Variants in SETBP1 observed in about 807,000 individuals in gnomAD.
SETBP1 encodes SET binding protein 1.
SETBP1 carries 9 observed loss-of-function variants against 101.0 expected under a neutral mutation model. The ratio of observed to expected loss-of-function variants is 0.09; its 90% confidence interval spans 0.05 to 0.16. The LOEUF is 0.16. Ranked by LOEUF, SETBP1 falls within the 10% of genes least tolerant of loss-of-function variation. The pLI, the probability that SETBP1 is intolerant of heterozygous loss-of-function variation, is 1.00. For synonymous variants in SETBP1, 818 were observed against 788.5 expected (o/e 1.04, Z -0.63); for missense variants, 1,858 against 2,033.8 (o/e 0.91, Z 1.66).
chr18:45,021,908 A>G lies in SETBP1; in HGVS notation c.4001-16577A>G, dbSNP rs538888410. Among the ~76,000 whole-genome samples the G allele has an allele frequency of 3.3e-4, 50 of 152,356 alleles. 3 individuals are homozygous for G. The South Asian group carries it at 9.3e-3, about 28-fold the overall frequency. On this transcript the variant is annotated intron_variant, in intron 4 of 5. Coordinates refer to ENST00000649279, the MANE Select transcript of SETBP1 (RefSeq NM_015559.3). ...GTGCCTAGAAAGAAACTTCTAATGT[A>G]GAATTTGTCCAATAAATGTTGAGGA...
At chr18:44,764,647 G>C (rs2070729265) in intron 2 of SETBP1, among the ~76,000 whole-genome samples, 2 of 152,016 alleles carry the variant, frequency 1.3e-5, no homozygotes, top group African/African-American at 4.8e-5. Flanking sequence ...CTAATTTTTT[G>C]TATTTTTAGT....
intron 2 of SETBP1, among the ~76,000 whole-genome samples, chr18:44,782,132 A>T (rs1178494639): frequency 2.0e-5 from 3 of 152,218 alleles, no homozygotes; most frequent in Non-Finnish European, 4.4e-5. Flanking sequence ...CTTAAGAGGC[A>T]CACTGCTTCC....
intron 2 of SETBP1, among the ~76,000 whole-genome samples, chr18:44,864,961 G>C (rs955801378): frequency 6.6e-6 from 1 of 151,992 alleles, no homozygotes; most frequent in Admixed American, 6.6e-5. Flanking sequence ...TAGGATGTGC[G>C]CTTTTCAAGG....
At chr18:45,030,524 T>A (rs139678281) in intron 4 of SETBP1, among the ~76,000 whole-genome samples, 133,034 of 137,916 alleles carry the variant, frequency 0.96, 64,504 homozygotes, top group East Asian at 1. Flanking sequence ...TGCTGGCCTC[T>A]TAAAATGAGT....
intron 4 of SETBP1, among the ~76,000 whole-genome samples, chr18:44,958,247 T>A (rs1379860902): frequency 6.6e-6 from 1 of 152,218 alleles, no homozygotes; most frequent in East Asian, 1.9e-4. Flanking sequence ...GACCAAATAG[T>A]TAGTTGTTCA....
At chr18:44,900,937 C>G (rs1461672058) in intron 3 of SETBP1, among the ~76,000 whole-genome samples, 4 of 152,186 alleles carry the variant, frequency 2.6e-5, no homozygotes, top group Non-Finnish European at 5.9e-5. Context: ...AGCCCAGGGA[C>G]TTTTATACTC....
chr18:44,825,213 TA>T (rs1200348779), intron 2 of SETBP1, among the ~76,000 whole-genome samples: 1 of 152,172 alleles, frequency 6.6e-6, no homozygotes, highest in African/African-American at 2.4e-5. Context: ...ACAAGTGTAA[TA>T]AAAATTCAGC....
intron 2 of SETBP1, among the ~76,000 whole-genome samples, chr18:44,770,778 A>G (rs1311378285): frequency 1.3e-5 from 2 of 151,466 alleles, no homozygotes; most frequent in South Asian, 2.1e-4. Flanking sequence ...ACTAGAATGT[A>G]GAGTCAAATA....
intron 2 of SETBP1, among the ~76,000 whole-genome samples, chr18:44,741,068 A>C (rs2070086650): frequency 6.6e-6 from 1 of 152,258 alleles, no homozygotes; most frequent in African/African-American, 2.4e-5. Flanking sequence ...GCAAATGAAC[A>C]AACAAAAAAC....
chr18:44,780,856 G>A (rs909218791), intron 2 of SETBP1, among the ~76,000 whole-genome samples: 7 of 152,226 alleles, frequency 4.6e-5, no homozygotes, highest in Admixed American at 2.0e-4. Flanking sequence ...CCCTAAAGAT[G>A]TGGTGTCCAA....
At chr18:44,990,691 A>G (rs2072349789) in intron 4 of SETBP1, among the ~76,000 whole-genome samples, 1 of 152,060 alleles carries the variant, frequency 6.6e-6, no homozygotes, top group Non-Finnish European at 1.5e-5. Context: ...GCTCTACAAA[A>G]CAAAACACTA....
At chr18:44,800,621 G>A (rs2071586169) in intron 2 of SETBP1, among the ~76,000 whole-genome samples, 1 of 152,194 alleles carries the variant, frequency 6.6e-6, no homozygotes, top group Admixed American at 6.5e-5. Context: ...GCCCAGCAAT[G>A]AGGACGTTTT....
At chr18:44,780,488 C>G (rs1599116733) in intron 2 of SETBP1, among the ~76,000 whole-genome samples, 1 of 152,160 alleles carries the variant, frequency 6.6e-6, no homozygotes, top group Admixed American at 6.5e-5. Flanking sequence ...AGGACATGCT[C>G]ATTTGTTCTT....
chr18:44,896,278 A>G (rs1249957307), intron 3 of SETBP1, among the ~76,000 whole-genome samples: 3 of 152,202 alleles, frequency 2.0e-5, no homozygotes, highest in Non-Finnish European at 4.4e-5. Flanking sequence ...ACAAAAGGAC[A>G]TTCTGTCTCG....
At chr18:44,940,500 T>G (rs2071063215) in intron 3 of SETBP1, among the ~76,000 whole-genome samples, 2 of 152,298 alleles carry the variant, frequency 1.3e-5, no homozygotes, top group South Asian at 4.1e-4. Context: ...TCCATATGTT[T>G]CCTTGTATTG....
chr18:45,036,601 G>T (rs2073403755), intron 4 of SETBP1, among the ~76,000 whole-genome samples: 1 of 152,190 alleles, frequency 6.6e-6, no homozygotes, highest in Admixed American at 6.5e-5. Flanking sequence ...TTTGATGTTT[G>T]CCTATCTCCA....
chr18:44,870,148 G>A (rs982283398), intron 3 of SETBP1: 14 of 152,324 alleles, frequency 9.2e-5, no homozygotes, highest in African/African-American at 3.4e-4. Context: ...ATAGCTAACG[G>A]CAGCGAACTT....
Position 44,951,549 on chromosome 18 carries a change from C to T in SETBP1, c.2209C>T (p.Pro737Ser). The T allele has an allele frequency of 6.2e-7, 1 of 1,614,098 alleles. No individual in the cohort carries two copies. The highest frequency in any genetic ancestry group is 8.5e-7 in the Non-Finnish European group (1 of 1,180,022). ...RGRKPRAELP[P>S]PSEEPKTAIK... Reference sequence around the variant, plus strand: ...CAGGAAGCCAAGAGCAGAGCTGCCACCCCCATCCGAAGAACCCAAAACAGC... The same window carrying T: ...CAGGAAGCCAAGAGCAGAGCTGCCATCCCCATCCGAAGAACCCAAAACAGC... The change falls in exon 4 of 6, where the codon CCC becomes TCC. Residue 737 changes from proline to serine, a missense_variant. This residue lies in a region of SETBP1 where 121 missense variants were observed against 138.0 expected (regional missense o/e 0.88). Coordinates refer to ENST00000649279, the MANE Select transcript of SETBP1 (RefSeq NM_015559.3). This position sits in a 1 kb window ranked among gnomAD's most constrained non-coding sequence, Gnocchi z 7.8.
At chr18:44,949,845 T>A in intron 3 of SETBP1, 36 bp from the exon 4 acceptor site, 1 of 1,501,540 alleles carries the variant, frequency 6.7e-7, no homozygotes, top group Non-Finnish European at 9.2e-7. Flanking sequence ...TTTCTCTCTC[T>A]CTGTCTCTCT....
Sources: allele counts gnomAD v4.1 joint callset (sites outside exome capture counted in the v4.1 genomes callset), GRCh38; gene constraint gnomAD v4.1.1; regional missense constraint gnomAD v4.1.1; non-coding constraint Gnocchi (gnomAD v3.1); transcripts MANE v1.5; gene names NCBI Gene and HGNC (gene_info 2026-07-23, HGNC 2026-07-21).